The following ZNF236 variants were observed in gnomAD, a reference collection of about 807,000 sequenced individuals.
ZNF236 encodes the protein zinc finger protein 236, also known as regulated by glucose.
ZNF236 carries 50 observed loss-of-function variants against 191.2 expected under a neutral mutation model. The ratio of observed to expected loss-of-function variants is 0.26; its 90% CI spans 0.21 to 0.33. The LOEUF is 0.33. Ranked by LOEUF, ZNF236 falls within the 10% of genes least tolerant of loss-of-function variation. The probability of loss-of-function intolerance (pLI) is 1.00; values close to 1 mark genes in which losing one functional copy is unlikely to be tolerated. For synonymous variants in ZNF236, 907 were observed against 928.8 expected, an observed-to-expected ratio of 0.98 and a Z score of 0.43; for missense variants, 1,754 against 2,374.5, an observed-to-expected ratio of 0.74 and a Z score of 5.43.
intron 30 of ZNF236, among the ~76,000 whole-genome samples, chr18:76,967,423 G>T (rs63749339): frequency 4.6e-5 from 2 of 43,492 alleles, no homozygotes; most frequent in African/African-American, 1.5e-4. Context: ...GATCTGTGAG[G>T]TTTGTGATTT....
Position 76,880,176 on chromosome 18 carries a change from C to T in ZNF236, c.1048C>T (p.Gln350Ter). 1 of 1,614,166 alleles carries T rather than the reference C, an allele frequency of 6.2e-7. No individual in the cohort carries two copies. Among genetic ancestry groups the T allele is most frequent in the African/African-American group, 1.3e-5 (1 of 75,048 alleles). ...AGCCCAAGCCACGTCGGCCTCAAGC[C>T]AGCCGAGCTCCCAGGCGGTGAGCGA... ...TEAQATSASSQPSSQAVSDVI... is the reference protein window; with the variant it reads ...TEAQATSASS Residue 350 changes from glutamine to a stop codon, truncating the protein, a stop_gained, in exon 8 of 31, where the codon CAG becomes TAG. Transcript: ENST00000320610. LOFTEE classifies it high-confidence loss of function. The surrounding 1 kb of genome is among the most constrained non-coding windows in gnomAD (Gnocchi z 5.0).
At position 76,868,858 on chromosome 18, in the gene ZNF236, A is replaced by T. The variant is rs1976501869; in HGVS notation, c.537A>T (p.Lys179Asn). The change falls in exon 4 of 31, where the codon AAA becomes AAT. Residue 179 changes from lysine (K) to asparagine (N), a missense_variant. This residue lies in a region of ZNF236 where 336 missense variants were observed against 495.1 expected (regional missense o/e 0.68). Transcript: ENST00000320610. ...AGGAACACATGAAGACTCATTACAA[A>T]ATTAGGTATGAGTCATTACATGGGC... ...ELKEHMKTHYKIRVSSTRSYN... is the reference protein window; with the variant it reads ...ELKEHMKTHYNIRVSSTRSYN... The T allele has an allele frequency of 6.2e-7, 1 of 1,601,672 alleles. No homozygotes were observed.
At chr18:76,949,541 G>A (rs929451946) in intron 27 of ZNF236, among the ~76,000 whole-genome samples, 1 of 152,044 alleles carries the variant, frequency 6.6e-6, no homozygotes, top group African/African-American at 2.4e-5. Flanking sequence ...CTAGAGCACT[G>A]CAATAAAGCG....
Position 76,927,312 on chromosome 18 carries a change from G to A in ZNF236, c.4209G>A (p.Gln1403=). The A allele has an allele frequency of 1.2e-6, 2 of 1,614,196 alleles. No individual in the cohort carries two copies. The highest frequency in any genetic ancestry group is 1.7e-6 in the Non-Finnish European group (2 of 1,180,038). ...DPSILQQTLQ[Q]GNLLAQQLTG... ...GCATTCTGCAGCAGACGCTACAGCA[G>A]GGCAACCTATTGGCTCAGCAGCTCA... The change falls in exon 24 of 31, where the codon CAG becomes CAA. Residue 1403 remains glutamine, a synonymous_variant. Transcript: ENST00000320610. The surrounding 1 kb of genome is among the most constrained non-coding windows in gnomAD (Gnocchi z 5.4).
intron 7 of ZNF236, among the ~76,000 whole-genome samples, chr18:76,878,757 A>G (rs1329588941): frequency 6.6e-6 from 1 of 152,222 alleles, no homozygotes; most frequent in Non-Finnish European, 1.5e-5. Flanking sequence ...AGCATCAACT[A>G]TAGGTATCTT....
intron 1 of ZNF236, among the ~76,000 whole-genome samples, chr18:76,840,485 ACT>A: frequency 6.6e-6 from 1 of 151,242 alleles, no homozygotes; most frequent in Admixed American, 6.6e-5. Flanking sequence ...CAAGAGTGAA[ACT>A]CTGTCTCAAA....
Position 76,925,631 on chromosome 18 carries a change from A to G in ZNF236, c.4027+77A>G. 3 of 1,526,328 alleles carry G rather than the reference A, an allele frequency of 2.0e-6. No homozygotes were observed. The highest frequency in any genetic ancestry group is 1.4e-5 in the African/African-American group (1 of 73,000). 94.5% of individuals were successfully genotyped at this position (1,526,328 alleles called of 1,614,324 possible). A position where few individuals can be genotyped will look rare whatever the true frequency, so the allele number is the denominator to read the frequency against. On this transcript the variant is annotated intron_variant, in intron 22 of 30. Coordinates refer to ENST00000320610, the MANE Select transcript of ZNF236 (RefSeq NM_001306089.2). This position sits in a 1 kb window ranked among gnomAD's most constrained non-coding sequence, Gnocchi z 5.7. ...TGCTGCTTCTGTCTGTTCCCACGAC[A>G]GAAGAGATGTTGTTTACCGTAGCAC...
intron 1 of ZNF236, among the ~76,000 whole-genome samples, chr18:76,844,591 A>C (rs977145361): frequency 9.2e-5 from 14 of 152,224 alleles, no homozygotes; most frequent in African/African-American, 3.1e-4. Flanking sequence ...AAACTGTTAT[A>C]TCTCTCATTT....
chr18:76,869,665 G>T (rs549736914), intron 4 of ZNF236, among the ~76,000 whole-genome samples: 21 of 152,150 alleles, frequency 1.4e-4, no homozygotes, highest in Non-Finnish European at 2.5e-4. Context: ...ACTCTAAAAG[G>T]CAATATTGGG....
In ZNF236 at chr18:76,937,301, A is replaced by G. The variant is rs765001568; in HGVS notation, c.4740A>G (p.Leu1580=). 1.2e-6 allele frequency: 2 copies of G among 1,613,890 alleles called. No homozygotes were observed. Among genetic ancestry groups the G allele is most frequent in the East Asian group, 2.2e-5 (1 of 44,882 alleles). ...CGCTGGCCGATACTCAGGGTATGCT[A>G]TCTGGAGGCCTGGACACTGTCACAC... ...TLTLADTQGM[L]SGGLDTVTLN... is the part of the protein sequence containing the mutation. The change falls in exon 26 of 31, where the codon CTA becomes CTG. Residue 1580 remains leucine, a synonymous_variant. Transcript: ENST00000320610.
In ZNF236 at chr18:76,880,304, G is replaced by A. The variant is rs1284502927; in HGVS notation, c.1176G>A (p.Gln392=). ...TGAGCATCACAGTGGGCATCAACCA[G>A]GACATTTTACAGGTGAAGCACGCTT... ...QQLSITVGIN[Q]DILQQALENS... is the part of the protein sequence containing the mutation. Residue 392 remains glutamine (Q), a synonymous_variant, in exon 8 of 31, where the codon CAG becomes CAA. Coordinates refer to ENST00000320610, the MANE Select transcript of ZNF236 (RefSeq NM_001306089.2). The surrounding 1 kb of genome is among the most constrained non-coding windows in gnomAD (Gnocchi z 5.0). 4 of 1,612,072 alleles carry A rather than the reference G, an allele frequency of 2.5e-6. No homozygotes were observed. Among genetic ancestry groups the A allele is most frequent in the African/African-American group, 1.3e-5 (1 of 74,864 alleles).
rs2122999896 is a variant in ZNF236, at chr18:76,971,169, C to G, written c.*2830C>G. On this transcript the variant is annotated 3_prime_UTR_variant, in exon 31 of 31. Coordinates refer to ENST00000320610, the MANE Select transcript of ZNF236 (RefSeq NM_001306089.2). ...TACTGAGGAAGCAGGAGGCATGTAG[C>G]ATGTGTGGAGTCCCACCTGCTAGAT... 6.6e-6 allele frequency among the ~76,000 whole-genome samples: 1 copy of G among 152,360 alleles called. No homozygotes were observed.
rs1309457086 is a variant in ZNF236, at chr18:76,960,614, G to A, written c.5243-65G>A. ...TTCAGTCCCTCTTGTTCATACCTCA[G>A]GGTAGAGCCCAGGCATCCACTATAC... On this transcript the variant is annotated intron_variant, in intron 29 of 30. Transcript: ENST00000320610. This position sits in a 1 kb window ranked among gnomAD's most constrained non-coding sequence, Gnocchi z 4.4. 2.2e-5 allele frequency: 35 copies of A among 1,585,728 alleles called. 1 individual carries two copies. In the South Asian group the frequency reaches 3.5e-4, roughly 16 times the overall value.
At chr18:76,948,104 A>G (rs1968311703) in intron 27 of ZNF236, among the ~76,000 whole-genome samples, 2 of 152,146 alleles carry the variant, frequency 1.3e-5, no homozygotes. Flanking sequence ...AAGATCTGTC[A>G]TTTGGCTAGT....
At chr18:76,836,241 G>A (rs1975321080) in intron 1 of ZNF236, among the ~76,000 whole-genome samples, 2 of 151,754 alleles carry the variant, frequency 1.3e-5, no homozygotes, top group South Asian at 4.2e-4. Context: ...CTTTGAGGCA[G>A]TGTCTCACTC....
chr18:76,876,148 G>T (rs369251745), intron 6 of ZNF236, among the ~76,000 whole-genome samples: 1 of 152,122 alleles, frequency 6.6e-6, no homozygotes, highest in African/African-American at 2.4e-5. Flanking sequence ...CCAGTCTTTC[G>T]ACTAAAATGA....
At chr18:76,938,773 T>C (rs1968062217) in intron 26 of ZNF236, among the ~76,000 whole-genome samples, 2 of 152,270 alleles carry the variant, frequency 1.3e-5, no homozygotes, top group South Asian at 4.1e-4. Flanking sequence ...GGCTCCCCTT[T>C]GGCTGACCTG....
intron 1 of ZNF236, among the ~76,000 whole-genome samples, chr18:76,836,097 G>A (rs113659335): frequency 0.061 from 9,319 of 151,624 alleles, 523 homozygotes; most frequent in African/African-American, 0.15. Context: ...TAGTAGAGAC[G>A]GGGTTTCACC....
At chr18:76,866,351 C>CA (rs1976402431) in intron 3 of ZNF236, among the ~76,000 whole-genome samples, 1 of 151,952 alleles carries the variant, frequency 6.6e-6, no homozygotes, top group Non-Finnish European at 1.5e-5. Flanking sequence ...TAGCCGAGGT[C>CA]AGCAGAGGCA....
Sources: gnomAD v4.1 joint callset for allele counts (sites outside exome capture counted in the v4.1 genomes callset) on GRCh38, gnomAD v4.1.1 for gene constraint, gnomAD v4.1.1 regional missense constraint, Gnocchi (gnomAD v3.1) non-coding constraint, MANE v1.5 for transcripts, NCBI Gene and HGNC (gene_info 2026-07-23, HGNC 2026-07-21) for gene names.